MPPED1: variants seen among roughly 807,000 people sequenced by gnomAD.
MPPED1 encodes the protein metallophosphoesterase domain-containing protein 1.
MPPED1 carries 16 observed loss-of-function variants against 36.2 expected under a neutral mutation model. That is an observed-to-expected ratio of 0.44 (90% CI 0.30 to 0.67). MPPED1 has a LOEUF of 0.67. Among genes scored for constraint, MPPED1 ranks in the 30% least tolerant of loss-of-function variants. The pLI is 0.10. For synonymous variants in MPPED1, 199 were observed against 191.3 expected (o/e 1.04, Z -0.33); for missense variants, 307 against 453.4 (o/e 0.68, Z 2.93).
chr22:43,451,062 A>G (rs1402892992), intron 3 of MPPED1, among the ~76,000 whole-genome samples: 1 of 146,888 alleles, frequency 6.8e-6, no homozygotes, highest in Non-Finnish European at 1.5e-5. Flanking sequence ...GCTGGAGTAC[A>G]GTGGGGCCAT....
At chr22:43,497,433 G>T (rs941181965) in intron 4 of MPPED1, among the ~76,000 whole-genome samples, 1 of 152,030 alleles carries the variant, frequency 6.6e-6, no homozygotes, top group African/African-American at 2.4e-5. Flanking sequence ...TAACTTAACA[G>T]CTGCCGACAG....
At chr22:43,441,670 C>T (rs564545984) in intron 3 of MPPED1, among the ~76,000 whole-genome samples, 35 of 152,142 alleles carry the variant, frequency 2.3e-4, no homozygotes, top group African/African-American at 1.9e-4. Flanking sequence ...GAGCATAACA[C>T]GATATATGAG....
intron 1 of MPPED1, among the ~76,000 whole-genome samples, chr22:43,422,033 G>C (rs748987555): frequency 2.0e-4 from 30 of 152,136 alleles, no homozygotes; most frequent in Non-Finnish European, 4.1e-4. Flanking sequence ...GGTGCACAAG[G>C]GGGGAGCCCG....
intron 4 of MPPED1, among the ~76,000 whole-genome samples, chr22:43,492,065 G>T (rs1385052653): frequency 6.6e-6 from 1 of 151,828 alleles, no homozygotes; most frequent in Non-Finnish European, 1.5e-5. Flanking sequence ...TGGTGCTGGG[G>T]GTGATTATAG....
intron 1 of MPPED1, among the ~76,000 whole-genome samples, chr22:43,420,308 C>T (rs961323025): frequency 5.3e-5 from 8 of 152,212 alleles, no homozygotes; most frequent in African/African-American, 1.9e-4. Context: ...CCAGGCCGCC[C>T]AGGCCTCAGG....
chr22:43,474,431 T>A lies in MPPED1; in HGVS notation c.407-305T>A. 6.6e-6 allele frequency among the ~76,000 whole-genome samples: 1 copy of A among 152,172 alleles called. No individual in the cohort carries two copies. The highest frequency in any genetic ancestry group is 1.5e-5 in the Non-Finnish European group (1 of 68,024). Reference sequence around the variant, plus strand: ...CCTCCTTTGATCTGATGAAGACACCTGTTGGGGGCCTGGCAGCAGGTACCC... The same window carrying A: ...CCTCCTTTGATCTGATGAAGACACCAGTTGGGGGCCTGGCAGCAGGTACCC... On this transcript the variant is annotated intron_variant, in intron 3 of 6. Transcript: ENST00000443721. This position sits in a 1 kb window ranked among gnomAD's most constrained non-coding sequence, Gnocchi z 5.2.
intron 6 of MPPED1, among the ~76,000 whole-genome samples, chr22:43,503,894 C>T (rs28658497): frequency 2.0e-5 from 3 of 152,210 alleles, no homozygotes; most frequent in Non-Finnish European, 4.4e-5. Flanking sequence ...TAACCACTCC[C>T]TTCCTCCCCC....
chr22:43,440,966 C>T (rs1930129499), intron 3 of MPPED1, among the ~76,000 whole-genome samples: 1 of 152,090 alleles, frequency 6.6e-6, no homozygotes, highest in African/African-American at 2.4e-5. Context: ...AAGGGGGCTT[C>T]TCCTAGGGTC....
intron 4 of MPPED1, among the ~76,000 whole-genome samples, chr22:43,497,953 T>TATATATA (rs1932484622): frequency 4.3e-5 from 2 of 47,022 alleles, no homozygotes; most frequent in African/African-American, 4.7e-4. Context: ...ATATATGTAT[T>TATATATA]TAGCTTTCTT....
At chr22:43,460,194 A>G (rs866403524) in intron 3 of MPPED1, among the ~76,000 whole-genome samples, 3 of 151,654 alleles carry the variant, frequency 2.0e-5, no homozygotes, top group African/African-American at 7.3e-5. Context: ...CGACAGAGTG[A>G]GACTCCATCT....
rs749308599 is a variant in MPPED1 at position 43,502,728 on chromosome 22, G to A, written c.833G>A (p.Arg278Gln). 21 of 1,613,176 alleles carry A rather than the reference G, an allele frequency of 1.3e-5. No homozygotes were observed. The highest frequency in any genetic ancestry group is 5.0e-5 in the Admixed American group (3 of 59,998). ...ACGGTGCAGAGGCGCGTCCAGCCGCGGTTACATGTCTTTGGCCACATCCAC... is the reference window on the plus strand; with the variant it reads ...ACGGTGCAGAGGCGCGTCCAGCCGCAGTTACATGTCTTTGGCCACATCCAC... Reference protein sequence around the residue: ...LNTVQRRVQPRLHVFGHIHEG... With the variant: ...LNTVQRRVQPQLHVFGHIHEG... Residue 278 changes from arginine (R) to glutamine (Q), a missense_variant, in exon 6 of 7, where the codon CGG becomes CAG. Transcript: ENST00000443721. This position sits in a 1 kb window ranked among gnomAD's most constrained non-coding sequence, Gnocchi z 5.5.
chr22:43,475,094 C>A, intron 4 of MPPED1, 133 bp downstream of exon 4: 2 of 755,054 alleles, frequency 2.6e-6, no homozygotes, highest in Non-Finnish European at 4.3e-6. Context: ...TGACCCCTTA[C>A]CCTCTGTGTG....
At chr22:43,470,156 A>C (rs1326999258) in intron 3 of MPPED1, among the ~76,000 whole-genome samples, 1 of 151,806 alleles carries the variant, frequency 6.6e-6, no homozygotes, top group Non-Finnish European at 1.5e-5. Flanking sequence ...ATATACATCT[A>C]TATATCCATA....
intron 5 of MPPED1, 58 bp downstream of exon 5, chr22:43,498,408 T>C (rs1932501303): frequency 1.4e-6 from 2 of 1,380,534 alleles, no homozygotes; most frequent in Non-Finnish European, 2.0e-6. Context: ...GGGTGGGCTC[T>C]GGGATGGGGG....
chr22:43,416,941 C>T (rs1016559796), intron 1 of MPPED1: 10 of 981,188 alleles, frequency 1.0e-5, no homozygotes, highest in Admixed American at 6.2e-5. Context: ...ACAAGCCCGG[C>T]GAGCCGACTG....
At chr22:43,478,148 G>T (rs1355488103) in intron 4 of MPPED1, among the ~76,000 whole-genome samples, 1 of 152,238 alleles carries the variant, frequency 6.6e-6, no homozygotes, top group African/African-American at 2.4e-5. Context: ...CCTTCAGGCT[G>T]CCAGTCCTAG....
intron 3 of MPPED1, among the ~76,000 whole-genome samples, chr22:43,464,593 A>G (rs1014741499): frequency 6.6e-6 from 1 of 152,020 alleles, no homozygotes; most frequent in African/African-American, 2.4e-5. Flanking sequence ...TGTGGGGATG[A>G]GAGGCAAAGG....
intron 4 of MPPED1, among the ~76,000 whole-genome samples, chr22:43,491,419 T>C (rs1569087063): frequency 6.6e-6 from 1 of 151,768 alleles, no homozygotes; most frequent in Non-Finnish European, 1.5e-5. Flanking sequence ...GTGGAGGTGA[T>C]GGAGATGATG....
chr22:43,495,487 GGAGGTA>G (rs1384303851), intron 4 of MPPED1, among the ~76,000 whole-genome samples: 34 of 29,304 alleles, frequency 1.2e-3, no homozygotes, highest in Admixed American at 2.2e-3. Context: ...AGGTGGTGGT[GGAGGTA>G]GTGGTGGTGG....
Sources: gnomAD v4.1 joint callset for allele counts (sites outside exome capture counted in the v4.1 genomes callset) on GRCh38, gnomAD v4.1.1 for gene constraint, Gnocchi (gnomAD v3.1) non-coding constraint, MANE v1.5 for transcripts, NCBI Gene and HGNC (gene_info 2026-07-23, HGNC 2026-07-21) for gene names.